PGCKA1: variants seen among roughly 807,000 people sequenced by gnomAD.
PGCKA1 encodes PDCD10 and GCKIII kinases associated 1, also known as PDCD10 and GCKIII kinases-associated protein 1.
the PGCKA1 span, among the ~76,000 whole-genome samples, chr4:37,575,267 G>T: frequency 6.6e-6 from 1 of 151,846 alleles, no homozygotes; most frequent in African/African-American, 2.4e-5. Context: ...TTGTTGTTGC[G>T]CATCTTTTGG....
chr4:37,477,093 A>G, the PGCKA1 span, among the ~76,000 whole-genome samples: 2 of 152,250 alleles, frequency 1.3e-5, no homozygotes, highest in African/African-American at 4.8e-5. Flanking sequence ...AGACTTGTAC[A>G]CAAATGTTTA....
the PGCKA1 span, among the ~76,000 whole-genome samples, chr4:37,510,848 C>G: frequency 1.1e-4 from 16 of 151,818 alleles, no homozygotes; most frequent in Non-Finnish European, 2.1e-4. Flanking sequence ...AAGCCTGGGA[C>G]TGGAGTCAAA....
the PGCKA1 span, among the ~76,000 whole-genome samples, chr4:37,464,284 G>C: frequency 2.6e-5 from 4 of 152,194 alleles, no homozygotes; most frequent in African/African-American, 7.2e-5. Flanking sequence ...ACGGTAATGA[G>C]GGCTGGACTC....
chr4:37,503,920 T>C, the PGCKA1 span, among the ~76,000 whole-genome samples: 1 of 152,216 alleles, frequency 6.6e-6, no homozygotes, highest in Non-Finnish European at 1.5e-5. Flanking sequence ...CTTCCCTTTG[T>C]TGATTATTTC....
At chr4:37,586,818 G>A in the PGCKA1 span, among the ~76,000 whole-genome samples, 2 of 152,146 alleles carry the variant, frequency 1.3e-5, no homozygotes, top group African/African-American at 4.8e-5. Context: ...GCTGAGGCAG[G>A]AGAATCACTT....
chr4:37,494,759 G>A, the PGCKA1 span, among the ~76,000 whole-genome samples: 5 of 151,890 alleles, frequency 3.3e-5, no homozygotes, highest in South Asian at 2.1e-4. Context: ...ATAAGCCTTC[G>A]CTTTTCTCCG....
chr4:37,464,300 G>A, the PGCKA1 span, among the ~76,000 whole-genome samples: 6 of 152,156 alleles, frequency 3.9e-5, no homozygotes, highest in East Asian at 1.9e-4. Flanking sequence ...GACTCTCATC[G>A]GGTTTGAATT....
the PGCKA1 span, among the ~76,000 whole-genome samples, chr4:37,517,186 G>A: frequency 6.6e-6 from 1 of 151,384 alleles, no homozygotes; most frequent in Non-Finnish European, 1.5e-5. Flanking sequence ...GGGAGGCGGA[G>A]GTTGCAGTGA....
the PGCKA1 span, among the ~76,000 whole-genome samples, chr4:37,567,124 A>G: frequency 1.3e-5 from 2 of 152,246 alleles, no homozygotes; most frequent in Admixed American, 6.5e-5. Context: ...GAAATATTAT[A>G]GTAATAAAAA....
the PGCKA1 span, among the ~76,000 whole-genome samples, chr4:37,498,266 A>G: frequency 6.6e-6 from 1 of 152,192 alleles, no homozygotes; most frequent in African/African-American, 2.4e-5. Flanking sequence ...CCACTGGTCT[A>G]TGTGCCTGTT....
chr4:37,532,396 A>T, the PGCKA1 span, among the ~76,000 whole-genome samples: 1 of 152,240 alleles, frequency 6.6e-6, no homozygotes, highest in Non-Finnish European at 1.5e-5. Flanking sequence ...ACCAGCATTC[A>T]TGTGGGAACT....
the PGCKA1 span, among the ~76,000 whole-genome samples, chr4:37,490,989 T>C: frequency 1.3e-5 from 2 of 152,226 alleles, no homozygotes; most frequent in Non-Finnish European, 2.9e-5. Context: ...ATAAAGTCTT[T>C]ACTTTTTAGC....
the PGCKA1 span, among the ~76,000 whole-genome samples, chr4:37,453,288 C>A: frequency 6.6e-6 from 1 of 152,054 alleles, no homozygotes; most frequent in Non-Finnish European, 1.5e-5. Flanking sequence ...TGCCCTAAGA[C>A]CTCAGGAAAA....
the PGCKA1 span, among the ~76,000 whole-genome samples, chr4:37,479,117 C>G: frequency 6.6e-6 from 1 of 152,190 alleles, no homozygotes. Context: ...ATTAAACAGG[C>G]TGACTAATGG....
chr4:37,560,716 A>G, the PGCKA1 span, among the ~76,000 whole-genome samples: 1 of 151,858 alleles, frequency 6.6e-6, no homozygotes, highest in African/African-American at 2.4e-5. Flanking sequence ...TCCACTTAAA[A>G]TCACCCTTGC....
At chr4:37,575,079 T>C in the PGCKA1 span, among the ~76,000 whole-genome samples, 1 of 152,300 alleles carries the variant, frequency 6.6e-6, no homozygotes, top group East Asian at 1.9e-4. Context: ...AGGTATCTCT[T>C]CAATACAGTG....
the PGCKA1 span, among the ~76,000 whole-genome samples, chr4:37,525,093 A>G: frequency 6.6e-6 from 1 of 152,190 alleles, no homozygotes; most frequent in African/African-American, 2.4e-5. Context: ...AACCCTGCAA[A>G]CGTGTGTATG....
chr4:37,463,350 T>C, the PGCKA1 span, among the ~76,000 whole-genome samples: 1 of 152,206 alleles, frequency 6.6e-6, no homozygotes, highest in Non-Finnish European at 1.5e-5. Context: ...AAGAGAATAA[T>C]AAAACAGAGT....
chr4:37,591,081 G>A, the PGCKA1 span: 1 of 1,201,970 alleles, frequency 8.3e-7, no homozygotes, highest in Non-Finnish European at 1.2e-6. Flanking sequence ...CATAGCAGGT[G>A]ATTCTGCCAG....
Sources: allele counts gnomAD v4.1 joint callset (sites outside exome capture counted in the v4.1 genomes callset), GRCh38; gene constraint gnomAD v4.1.1; transcripts MANE v1.5; gene names NCBI Gene and HGNC (gene_info 2026-07-23, HGNC 2026-07-21).